RIC8B: variants seen among roughly 807,000 people sequenced by gnomAD.
RIC8B encodes the protein RIC8 guanine nucleotide exchange factor B.
In RIC8B, 16 loss-of-function variants were observed where a neutral mutation model predicts 57.5. The observed-to-expected ratio is 0.28, with a 90% CI of 0.19 to 0.42. The LOEUF is 0.42. Among genes scored for constraint, RIC8B ranks in the 10% least tolerant of loss-of-function variants. RIC8B has a pLI of 1.00. For missense variants in RIC8B, 481 were observed against 677.0 expected (o/e 0.71, Z 3.21); for synonymous variants, 216 against 250.8 (o/e 0.86, Z 1.31).
intron 9 of RIC8B, chr12:106,874,446 A>G (rs1566174610): frequency 1.3e-6 from 2 of 1,489,606 alleles, no homozygotes; most frequent in East Asian, 2.5e-5. Context: ...TGGCCAATGA[A>G]TGGACACTAG....
rs1951173091 is a variant in RIC8B, at chr12:106,886,050, T to A, written c.*35T>A. 1 of 1,405,158 alleles carries A rather than the reference T, an allele frequency of 7.1e-7. No homozygotes were observed. The highest frequency in any genetic ancestry group is 1.7e-5 in the Admixed American group (1 of 59,316). 87.0% of individuals were successfully genotyped at this position (1,405,158 alleles called of 1,614,324 possible). On this transcript the variant is annotated 3_prime_UTR_variant, in exon 10 of 10. Transcript: ENST00000392837. ...CTGCTCAACTCTCAATATTGCTTTA[T>A]CAGCATCTTTTCTCTGTAGCTCCAG...
At chr12:106,785,785 G>GTCTCTCTCTCTCTCTCTCTCTCTCTCTC (rs370138594) in intron 2 of RIC8B, among the ~76,000 whole-genome samples, 54 of 104,182 alleles carry the variant, frequency 5.2e-4, no homozygotes, top group Non-Finnish European at 7.5e-4. Context: ...TGTATTCTAT[G>GTCTCTCTCTCTCTCTCTCTCTCTCTCTC]TCTCTCTCTC....
chr12:106,829,813 A>T (rs1052879951), intron 4 of RIC8B, among the ~76,000 whole-genome samples: 1 of 152,174 alleles, frequency 6.6e-6, no homozygotes, highest in Non-Finnish European at 1.5e-5. Flanking sequence ...GCCTGCTTTA[A>T]ATCTTGTCAT....
chr12:106,806,775 G>A (rs1477068905), intron 2 of RIC8B, among the ~76,000 whole-genome samples: 1 of 151,954 alleles, frequency 6.6e-6, no homozygotes, highest in Non-Finnish European at 1.5e-5. Flanking sequence ...GATTGCACGC[G>A]CCAAGATCAT....
chr12:106,785,474 A>G (rs1269924452), intron 2 of RIC8B, among the ~76,000 whole-genome samples: 1 of 152,326 alleles, frequency 6.6e-6, no homozygotes, highest in Non-Finnish European at 1.5e-5. Flanking sequence ...TCTTAATTAT[A>G]TATCTGTTGA....
At chr12:106,811,932 G>A (rs2045352327) in intron 2 of RIC8B, among the ~76,000 whole-genome samples, 2 of 152,112 alleles carry the variant, frequency 1.3e-5, no homozygotes, top group South Asian at 4.2e-4. Context: ...AGATAGAAGA[G>A]CTACAAAGAA....
chr12:106,816,038 C>T (rs2045560413), intron 3 of RIC8B, among the ~76,000 whole-genome samples: 2 of 152,148 alleles, frequency 1.3e-5, no homozygotes. Context: ...AAATAGGAAA[C>T]TTAGTTTAAG....
intron 4 of RIC8B, 37 bp downstream of exon 4, chr12:106,825,857 A>AACTGATGATGTCCT: frequency 7.2e-7 from 1 of 1,383,194 alleles, no homozygotes; most frequent in Non-Finnish European, 1.0e-6. Flanking sequence ...AATGAAGGAC[A>AACTGATGATGTCCT]TCATCAGTTG....
At chr12:106,839,320 A>G (rs538030998) in intron 4 of RIC8B, among the ~76,000 whole-genome samples, 1 of 152,340 alleles carries the variant, frequency 6.6e-6, no homozygotes, top group South Asian at 2.1e-4. Context: ...ATATATGTAT[A>G]CACACACAGA....
chr12:106,879,878 T>C lies in RIC8B; in HGVS notation c.1572-6026T>C. On this transcript the variant is annotated intron_variant, in intron 9 of 9. Transcript: ENST00000392837. The surrounding 1 kb of genome is among the most constrained non-coding windows in gnomAD (Gnocchi z 4.9). ...TGCCTAGAATGGGCTCTTTATCCAG[T>C]AGACACCACTGTACTTTTTGATACG... The C allele has an allele frequency of 4.1e-6, 4 of 985,426 alleles. No homozygotes were observed. Among genetic ancestry groups the C allele is most frequent in the Non-Finnish European group, 4.8e-6 (4 of 829,922 alleles). 61.0% of individuals were successfully genotyped at this position (985,426 alleles called of 1,614,324 possible).
chr12:106,836,617 C>T (rs1419680094), intron 4 of RIC8B, among the ~76,000 whole-genome samples: 4 of 152,198 alleles, frequency 2.6e-5, no homozygotes, highest in African/African-American at 9.6e-5. Flanking sequence ...GAATGAACCA[C>T]TTCACTGTTA....
intron 9 of RIC8B, among the ~76,000 whole-genome samples, chr12:106,878,123 C>T (rs1052920911): frequency 9.9e-5 from 15 of 152,032 alleles, no homozygotes; most frequent in African/African-American, 2.7e-4. Context: ...TAGCCTAGAC[C>T]TCAAATTTGC....
In RIC8B at chr12:106,789,197, C is replaced by T. The variant is rs1286616296; in HGVS notation, c.132+5153C>T. Among the ~76,000 whole-genome samples, 8 of 152,196 alleles carry T rather than the reference C, an allele frequency of 5.3e-5. No individual in the cohort carries two copies. In the East Asian group the frequency reaches 1.5e-3, roughly 29 times the overall value. On this transcript the variant is annotated intron_variant, in intron 2 of 9. Coordinates refer to ENST00000392837, the MANE Select transcript of RIC8B (RefSeq NM_001330145.2). ...TTGCTCCACTTGCAACAAGTTTCCT[C>T]ATCTCCATCTGAGACCACCTCATCC...
intron 2 of RIC8B, among the ~76,000 whole-genome samples, chr12:106,788,597 C>T (rs1013247516): frequency 6.6e-6 from 1 of 152,194 alleles, no homozygotes; most frequent in African/African-American, 2.4e-5. Flanking sequence ...GACTTCTGTG[C>T]ACCCACAGGC....
intron 4 of RIC8B, among the ~76,000 whole-genome samples, chr12:106,833,469 C>T (rs762941980): frequency 8.6e-5 from 13 of 152,000 alleles, no homozygotes; most frequent in African/African-American, 3.1e-4. Context: ...GGCATGATGA[C>T]GCATGCCTGT....
intron 1 of RIC8B, among the ~76,000 whole-genome samples, chr12:106,776,969 C>G (rs907073480): frequency 8.5e-5 from 13 of 152,180 alleles, no homozygotes; most frequent in East Asian, 1.9e-4. Flanking sequence ...CTCCTCCCCC[C>G]CACCGACCCT....
intron 7 of RIC8B, among the ~76,000 whole-genome samples, chr12:106,853,515 C>A (rs1312882036): frequency 8.3e-6 from 1 of 120,746 alleles, no homozygotes; most frequent in Non-Finnish European, 1.6e-5. Context: ...GTCGCCCAGG[C>A]TGGAGTGCAG....
intron 2 of RIC8B, among the ~76,000 whole-genome samples, chr12:106,811,320 A>G (rs564081803): frequency 1.3e-5 from 2 of 152,350 alleles, no homozygotes; most frequent in South Asian, 2.1e-4. Flanking sequence ...GTTGTTAATC[A>G]TAGTTCAGTG....
chr12:106,804,071 TATG>T (rs2044876919), intron 2 of RIC8B, among the ~76,000 whole-genome samples: 2 of 152,222 alleles, frequency 1.3e-5, no homozygotes, highest in African/African-American at 4.8e-5. Context: ...TATTAAAACA[TATG>T]ATAATACTGT....
Sources: gnomAD v4.1 joint callset for allele counts (sites outside exome capture counted in the v4.1 genomes callset) on GRCh38, gnomAD v4.1.1 for gene constraint, Gnocchi (gnomAD v3.1) non-coding constraint, MANE v1.5 for transcripts, NCBI Gene and HGNC (gene_info 2026-07-23, HGNC 2026-07-21) for gene names.